Variants in RPS5 observed in about 807,000 individuals in gnomAD.
The protein encoded by RPS5 is ribosomal protein S5, also known as small ribosomal subunit protein uS7.
In RPS5, 2 loss-of-function variants were observed where a neutral mutation model predicts 20.9. The ratio of observed to expected loss-of-function variants is 0.10; its 90% confidence interval spans 0.04 to 0.30. RPS5 has a LOEUF of 0.30. Among genes scored for constraint, RPS5 ranks in the 10% least tolerant of loss-of-function variants. The probability of loss-of-function intolerance (pLI) is 1.00; values close to 1 mark genes in which losing one functional copy is unlikely to be tolerated. For synonymous variants in RPS5, 112 were observed against 105.8 expected (o/e 1.06, Z -0.36); for missense variants, 122 against 287.2 (o/e 0.42, Z 4.16).
chr19:58,388,322 C>A, intron 2 of RPS5, 77 bp downstream of exon 2: 1 of 1,012,874 alleles, frequency 9.9e-7, no homozygotes, highest in Non-Finnish European at 1.5e-6. Flanking sequence ...AAACTTGTTG[C>A]TGTGCCATTA....
chr19:58,388,378 CACCACATCT>C (rs1305274149), intron 2 of RPS5, 133 bp downstream of exon 2: 2 of 668,226 alleles, frequency 3.0e-6, no homozygotes, highest in African/African-American at 1.8e-5. Flanking sequence ...ATCCCTTGAC[CACCACATCT>C]ACCACATCTG....
chr19:58,392,973 C>T lies in RPS5; in HGVS notation c.109-3C>T, dbSNP rs779256683. On this transcript the variant is annotated splice_region_variant and splice_polypyrimidine_tract_variant and intron_variant, in intron 2 of 5. Transcript: ENST00000196551. ...CTTCATTTCCTGCTCCCTGCTGCCC[C>T]AGGATTACATTGCAGTGAAGGAGAA... is the stretch of plus-strand genomic sequence containing the variant. 1.9e-5 allele frequency: 30 copies of T among 1,612,934 alleles called. No homozygotes were observed. Among genetic ancestry groups the T allele is most frequent in the Non-Finnish European group, 2.5e-5 (30 of 1,179,120 alleles).
At chr19:58,388,481 G>A in intron 2 of RPS5, 2 of 553,264 alleles carry the variant, frequency 3.6e-6, no homozygotes, top group South Asian at 4.8e-5. Flanking sequence ...CTCACATATG[G>A]TATTTTTGTT....
chr19:58,391,789 G>T (rs1439808173), intron 2 of RPS5, among the ~76,000 whole-genome samples: 3 of 151,870 alleles, frequency 2.0e-5, no homozygotes, highest in Non-Finnish European at 2.9e-5. Flanking sequence ...AGCCTGGCAT[G>T]GTGGCATGCA....
In RPS5 at chr19:58,393,343, T is replaced by C; in HGVS notation, c.319-16T>C. 1 of 1,612,902 alleles carries C rather than the reference T, an allele frequency of 6.2e-7. No individual in the cohort carries two copies. The highest frequency in any genetic ancestry group is 8.5e-7 in the Non-Finnish European group (1 of 1,179,106). ...CATGGGGCTGGATGTCAGGCTCATA[T>C]CCCCCTTCTCTCTAGAACCCTCTGC... On this transcript the variant is annotated splice_polypyrimidine_tract_variant and intron_variant, in intron 3 of 5. Coordinates refer to ENST00000196551, the MANE Select transcript of RPS5 (RefSeq NM_001009.4).
At chr19:58,390,256 C>A (rs891942810) in intron 2 of RPS5, among the ~76,000 whole-genome samples, 1 of 149,726 alleles carries the variant, frequency 6.7e-6, no homozygotes, top group African/African-American at 2.5e-5. Flanking sequence ...TGCAGTGGTG[C>A]GATCTCGGCT....
intron 2 of RPS5, among the ~76,000 whole-genome samples, chr19:58,391,006 A>G (rs765959742): frequency 2.0e-5 from 3 of 152,296 alleles, no homozygotes; most frequent in South Asian, 4.1e-4. Flanking sequence ...TTGTAATGGA[A>G]CTATCAACAG....
intron 2 of RPS5, chr19:58,388,479 TG>T (rs1333858251): frequency 1.8e-6 from 1 of 559,572 alleles, no homozygotes; most frequent in South Asian, 2.3e-5. Context: ...ATCTCACATA[TG>T]GTATTTTTGT....
At chr19:58,390,426 CTTTTTT>C (rs61279930) in intron 2 of RPS5, among the ~76,000 whole-genome samples, 226 of 47,686 alleles carry the variant, frequency 4.7e-3, no homozygotes, top group African/African-American at 0.013. Flanking sequence ...GCCACTGTTA[CTTTTTT>C]TTTTTTTTTT....
chr19:58,389,978 T>G (rs189653498), intron 2 of RPS5, among the ~76,000 whole-genome samples: 40 of 152,276 alleles, frequency 2.6e-4, no homozygotes, highest in Admixed American at 1.1e-3. Context: ...CACTGCAACC[T>G]CTGCCTCCTG....
At chr19:58,390,850 G>GTT (rs149569421) in intron 2 of RPS5, among the ~76,000 whole-genome samples, 1 of 150,238 alleles carries the variant, frequency 6.7e-6, no homozygotes. Flanking sequence ...GAGACTGTGA[G>GTT]TTTTTTTTTT....
chr19:58,392,333 A>C (rs556333156), intron 2 of RPS5, among the ~76,000 whole-genome samples: 1 of 137,718 alleles, frequency 7.3e-6, no homozygotes, highest in South Asian at 2.3e-4. Context: ...AGGGGGGGAA[A>C]AAAAAAACTA....
chr19:58,392,845 G>A (rs2052372603), intron 2 of RPS5, 131 bp from the exon 3 acceptor site: 3 of 776,762 alleles, frequency 3.9e-6, no homozygotes, highest in Non-Finnish European at 4.2e-6. Context: ...GTCCCCTGTT[G>A]AGGCATACCA....
intron 1 of RPS5, 52 bp from the exon 2 acceptor site, chr19:58,388,085 C>G: frequency 7.6e-7 from 1 of 1,312,488 alleles, no homozygotes; most frequent in East Asian, 2.4e-5. Flanking sequence ...TGCGCCTTTG[C>G]TCCATGCTAG....
chr19:58,388,635 A>AC (rs1436849564), intron 2 of RPS5: 1 of 199,578 alleles, frequency 5.0e-6, no homozygotes, highest in Non-Finnish European at 9.0e-6. Flanking sequence ...AGCTGGCCGT[A>AC]GTTTTTTTTT....
At chr19:58,391,432 C>CAAAA (rs35576516) in intron 2 of RPS5, among the ~76,000 whole-genome samples, 2 of 75,980 alleles carry the variant, frequency 2.6e-5, no homozygotes, top group East Asian at 3.5e-4. Flanking sequence ...AACTCCATCT[C>CAAAA]AAAAAAAAAA....
At chr19:58,387,474 G>A (rs533406779) in intron 1 of RPS5, 135 bp downstream of exon 1, 27 of 152,432 alleles carry the variant, frequency 1.8e-4, no homozygotes, top group African/African-American at 6.3e-4. Context: ...AACGGGCGCG[G>A]GCCGAGTTAC....
At chr19:58,389,487 A>G (rs1235223647) in intron 2 of RPS5, among the ~76,000 whole-genome samples, 1 of 152,190 alleles carries the variant, frequency 6.6e-6, no homozygotes, top group African/African-American at 2.4e-5. Context: ...TAAAGATGTC[A>G]GGGGACTTAG....
chr19:58,393,971 T>C (rs1313868187), intron 4 of RPS5: 1 of 169,626 alleles, frequency 5.9e-6, no homozygotes, highest in South Asian at 1.6e-4. Context: ...AAAGCAAATA[T>C]ATTGCCTTGT....
Sources: gnomAD v4.1 joint callset for allele counts (sites outside exome capture counted in the v4.1 genomes callset) on GRCh38, gnomAD v4.1.1 for gene constraint, MANE v1.5 for transcripts, NCBI Gene and HGNC (gene_info 2026-07-23, HGNC 2026-07-21) for gene names.